Variants in USO1 observed in about 807,000 individuals in gnomAD.
The protein encoded by USO1 is USO1 vesicle transport factor, also known as general vesicular transport factor p115.
A neutral mutation model predicts 124.5 loss-of-function variants in USO1; 57 were observed. The observed-to-expected ratio is 0.46, with a 90% confidence interval of 0.37 to 0.57. The LOEUF is 0.57. USO1 is among the 20% of genes least tolerant of loss of function. The pLI, the probability that USO1 is intolerant of heterozygous loss-of-function variation, is 0.00. For missense variants in USO1, 900 were observed against 1,040.6 expected, an observed-to-expected ratio of 0.86 and a Z score of 1.86; for synonymous variants, 369 against 362.8, an observed-to-expected ratio of 1.02 and a Z score of -0.19.
At chr4:75,755,530 G>A (rs768230236) in intron 3 of USO1, 4 of 513,970 alleles carry the variant, frequency 7.8e-6, no homozygotes, top group Middle Eastern at 3.2e-4. Context: ...GTCTAATCTC[G>A]TAGACTCGTT....
Position 75,809,011 on chromosome 4 carries a change from A to C in USO1, c.2435A>C (p.Gln812Pro). The change falls in exon 21 of 24, where the codon CAG becomes CCG. Residue 812 changes from glutamine to proline, a missense_variant. Coordinates refer to ENST00000514213, the MANE Select transcript of USO1 (RefSeq NM_003715.4). ...NSQSVEITKL[Q>P]TEKQELLQKT... Reference sequence around the variant, plus strand: ...CAATCTGTGGAGATCACCAAACTACAGACAGAAAAGCAGGAACTGTTACAG... The same window carrying C: ...CAATCTGTGGAGATCACCAAACTACCGACAGAAAAGCAGGAACTGTTACAG... 1.2e-6 allele frequency: 2 copies of C among 1,604,932 alleles called. No individual in the cohort carries two copies. Among genetic ancestry groups the C allele is most frequent in the Admixed American group, 1.7e-5 (1 of 58,702 alleles).
At position 75,812,181 on chromosome 4, in the gene USO1, G is replaced by A; in HGVS notation, c.2605G>A (p.Glu869Lys). Residue 869 changes from glutamate (E) to lysine (K), a missense_variant, in exon 23 of 24, where the codon GAG becomes AAG. By Grantham distance (56) the Glu-to-Lys change is moderately conservative (BLOSUM62 1). Coordinates refer to ENST00000514213, the MANE Select transcript of USO1 (RefSeq NM_003715.4). Reference sequence around the variant, plus strand: ...CTAGAATGAAATTAAAGCTCTGTCTGAGGAAAGAACTGCCATTAAAGAGCA... The same window carrying A: ...CTAGAATGAAATTAAAGCTCTGTCTAAGGAAAGAACTGCCATTAAAGAGCA... ...ELKNEIKALSEERTAIKEQLD... is the reference protein window; with the variant it reads ...ELKNEIKALSKERTAIKEQLD... 8 of 1,605,904 alleles carry A rather than the reference G, an allele frequency of 5.0e-6. No homozygotes were observed. Among genetic ancestry groups the A allele is most frequent in the Non-Finnish European group, 6.8e-6 (8 of 1,176,030 alleles).
Position 75,757,513 on chromosome 4 carries a change from A to T in USO1, c.235A>T (p.Ile79Leu), listed in dbSNP as rs1427511834. The T allele has an allele frequency of 3.3e-6, 5 of 1,513,876 alleles. No homozygotes were observed. The highest frequency in any genetic ancestry group is 2.2e-5 in the Admixed American group (1 of 44,922). The allele number at this position is 1,513,876 out of a possible 1,614,324, so 93.8% of individuals were successfully genotyped here. A position where few individuals can be genotyped will look rare whatever the true frequency, so the allele number is the denominator to read the frequency against. ...LQTDRSDSEIIGYALDTLYNI... is the reference protein window; with the variant it reads ...LQTDRSDSEILGYALDTLYNI... ...TTTTTCCAGTTCAGATTCTGAAATA[A>T]TAGGTTATGCTTTGGACACACTATA... Residue 79 changes from isoleucine (I) to leucine (L), a missense_variant, in exon 4 of 24, where the codon ATA becomes TTA. Ile to Leu is a conservative substitution (Grantham distance 5, BLOSUM62 2). Coordinates refer to ENST00000514213, the MANE Select transcript of USO1 (RefSeq NM_003715.4).
At position 75,798,248 on chromosome 4, in the gene USO1, C is replaced by G. The variant is rs188441483; in HGVS notation, c.1453-1374C>G. 1.3e-3 allele frequency among the ~76,000 whole-genome samples: 198 copies of G among 152,084 alleles called. 1 individual carries two copies. Among genetic ancestry groups the G allele is most frequent in the African/African-American group, 4.7e-3 (193 of 41,502 alleles). On this transcript the variant is annotated intron_variant, in intron 13 of 23. Coordinates refer to ENST00000514213, the MANE Select transcript of USO1 (RefSeq NM_003715.4). ...AAATCTTACTCTGTTTTTTTTTACTCATACATCAGCCAGTGATTTGATAGG... is the reference window on the plus strand; with the variant it reads ...AAATCTTACTCTGTTTTTTTTTACTGATACATCAGCCAGTGATTTGATAGG...
chr4:75,730,687 T>G (rs1720606095), intron 1 of USO1, among the ~76,000 whole-genome samples: 1 of 152,218 alleles, frequency 6.6e-6, no homozygotes, highest in East Asian at 1.9e-4. Flanking sequence ...ATTATTAATA[T>G]TACTGCTTTG....
At chr4:75,779,878 C>A (rs1395356034) in intron 8 of USO1, among the ~76,000 whole-genome samples, 6 of 152,174 alleles carry the variant, frequency 3.9e-5, no homozygotes, top group Non-Finnish European at 5.9e-5. Context: ...CCATCTAGAA[C>A]TTTTGTATCT....
intron 7 of USO1, among the ~76,000 whole-genome samples, chr4:75,772,469 C>T (rs938472982): frequency 3.3e-5 from 5 of 151,990 alleles, no homozygotes; most frequent in African/African-American, 1.2e-4. Context: ...GAACTCCTGA[C>T]CTTGTGATCC....
chr4:75,773,010 A>G (rs529168810), intron 7 of USO1, among the ~76,000 whole-genome samples: 23 of 152,254 alleles, frequency 1.5e-4, no homozygotes, highest in Admixed American at 1.4e-3. Flanking sequence ...AGGCAGGAGA[A>G]TCGCTTGAAC....
At chr4:75,805,444 C>T (rs889376799) in intron 19 of USO1, 141 bp downstream of exon 19, 20 of 1,237,636 alleles carry the variant, frequency 1.6e-5, no homozygotes, top group East Asian at 5.8e-5. Flanking sequence ...CAGTGGCTTA[C>T]GCCTGTAATC....
chr4:75,785,547 T>C (rs1285740996), intron 9 of USO1, among the ~76,000 whole-genome samples: 1 of 152,086 alleles, frequency 6.6e-6, no homozygotes, highest in Non-Finnish European at 1.5e-5. Flanking sequence ...ACTGTCCTGA[T>C]ATGACTTCTG....
intron 4 of USO1, among the ~76,000 whole-genome samples, chr4:75,765,166 A>T (rs1340871115): frequency 6.6e-6 from 1 of 152,210 alleles, no homozygotes; most frequent in Non-Finnish European, 1.5e-5. Context: ...GACTAAGTTA[A>T]TATTGCTGTG....
At chr4:75,804,970 C>A in intron 18 of USO1, 170 bp from the exon 19 acceptor site, 3 of 780,342 alleles carry the variant, frequency 3.8e-6, no homozygotes, top group Non-Finnish European at 3.6e-6. Flanking sequence ...CTGGAAAATA[C>A]TATCAGTTCA....
chr4:75,748,656 C>T (rs1452262342), intron 1 of USO1, among the ~76,000 whole-genome samples: 2 of 152,124 alleles, frequency 1.3e-5, no homozygotes, highest in African/African-American at 4.8e-5. Flanking sequence ...GATTCAAGCC[C>T]TGCATGGTAC....
intron 3 of USO1, among the ~76,000 whole-genome samples, chr4:75,754,376 C>A (rs1455593308): frequency 6.6e-6 from 1 of 152,220 alleles, no homozygotes; most frequent in African/African-American, 2.4e-5. Context: ...AGCCACCACA[C>A]CTGGCCCTCA....
intron 3 of USO1, among the ~76,000 whole-genome samples, chr4:75,754,023 G>A (rs533491049): frequency 3.1e-4 from 47 of 150,860 alleles, no homozygotes; most frequent in African/African-American, 7.5e-4. Context: ...TCCTGATCTC[G>A]TGATCCACCT....
chr4:75,784,967 G>A (rs1294221048), intron 9 of USO1, among the ~76,000 whole-genome samples: 1 of 152,110 alleles, frequency 6.6e-6, no homozygotes, highest in Non-Finnish European at 1.5e-5. Context: ...CGTGAAGACC[G>A]TAAACTCCAA....
intron 12 of USO1, 140 bp from the exon 13 acceptor site, chr4:75,793,550 A>C (rs1449464878): frequency 1.7e-6 from 2 of 1,146,374 alleles, no homozygotes; most frequent in East Asian, 5.2e-5. Flanking sequence ...AGTATATTTA[A>C]TACTACTCAT....
At chr4:75,752,342 C>T (rs1721316648) in intron 1 of USO1, 31 bp from the exon 2 acceptor site, 2 of 397,188 alleles carry the variant, frequency 5.0e-6, no homozygotes, top group Admixed American at 4.4e-5. Context: ...TTTTTTTATT[C>T]TTTTAATGCC....
chr4:75,745,382 G>T (rs746258086), intron 1 of USO1: 1 of 518,518 alleles, frequency 1.9e-6, no homozygotes, highest in Non-Finnish European at 3.9e-6. Flanking sequence ...TATTCACAGG[G>T]ACTGTATTAC....
Sources: allele counts gnomAD v4.1 joint callset (sites outside exome capture counted in the v4.1 genomes callset), GRCh38; gene constraint gnomAD v4.1.1; transcripts MANE v1.5; gene names NCBI Gene and HGNC (gene_info 2026-07-23, HGNC 2026-07-21).